The following CPQ variants were observed in gnomAD, a reference collection of about 807,000 sequenced individuals.
CPQ encodes the protein carboxypeptidase Q, also known as Ser-Met dipeptidase.
CPQ carries 37 observed loss-of-function variants against 45.7 expected under a neutral mutation model. That is an observed-to-expected ratio of 0.81 (90% CI 0.62 to 1.07). The LOEUF is 1.07. CPQ is among the 50% of genes least tolerant of loss of function. The pLI, the probability that CPQ is intolerant of heterozygous loss-of-function variation, is 0.00. For synonymous variants in CPQ, 186 were observed against 205.8 expected (o/e 0.90, Z 0.82); for missense variants, 537 against 572.9 (o/e 0.94, Z 0.64).
chr8:96,778,970 CAGG>C (rs1323978963), intron 1 of CPQ, among the ~76,000 whole-genome samples: 1 of 148,176 alleles, frequency 6.7e-6, no homozygotes, highest in Non-Finnish European at 1.5e-5. Context: ...GAGGCATAGG[CAGG>C]AGAATTGCTT....
At chr8:96,784,147 C>CTCTATAT (rs572617235) in intron 1 of CPQ, among the ~76,000 whole-genome samples, 1 of 152,124 alleles carries the variant, frequency 6.6e-6, no homozygotes, top group Admixed American at 6.6e-5. Flanking sequence ...GTCTGACACA[C>CTCTATAT]AGCATGCACT....
At chr8:97,028,682 G>T (rs1809842627) in intron 5 of CPQ, among the ~76,000 whole-genome samples, 1 of 152,168 alleles carries the variant, frequency 6.6e-6, no homozygotes, top group African/African-American at 2.4e-5. Context: ...AGCCAAAAAT[G>T]GTTCTGGAGC....
chr8:97,124,718 T>C (rs1811816204), intron 7 of CPQ, among the ~76,000 whole-genome samples: 1 of 152,188 alleles, frequency 6.6e-6, no homozygotes, highest in Non-Finnish European at 1.5e-5. Context: ...TAGAATTTAT[T>C]TGAACCTTAT....
intron 4 of CPQ, among the ~76,000 whole-genome samples, chr8:96,959,364 C>T (rs773602539): frequency 6.6e-6 from 1 of 152,116 alleles, no homozygotes; most frequent in Non-Finnish European, 1.5e-5. Flanking sequence ...TTAGATGGAA[C>T]CTTGGAAGGT....
chr8:96,836,571 G>C (rs1242403168), intron 3 of CPQ, among the ~76,000 whole-genome samples: 2 of 152,074 alleles, frequency 1.3e-5, no homozygotes, highest in Non-Finnish European at 2.9e-5. Flanking sequence ...AAAATGGCTA[G>C]CTTACTTCCC....
chr8:97,013,182 A>T (rs1809519424), intron 5 of CPQ, among the ~76,000 whole-genome samples: 1 of 152,114 alleles, frequency 6.6e-6, no homozygotes. Context: ...CAAGAGGCTG[A>T]GGCAGGAGAA....
intron 1 of CPQ, among the ~76,000 whole-genome samples, chr8:96,669,302 C>A (rs1024258684): frequency 6.6e-6 from 1 of 152,198 alleles, no homozygotes; most frequent in Non-Finnish European, 1.5e-5. Context: ...TTGAGGCCAT[C>A]TTACCACAGT....
At chr8:96,863,638 A>G (rs146886578) in intron 3 of CPQ, among the ~76,000 whole-genome samples, 47 of 152,178 alleles carry the variant, frequency 3.1e-4, no homozygotes, top group African/African-American at 1.0e-3. Context: ...GATTATATGC[A>G]TTTGCTTCAT....
chr8:96,835,287 T>G, intron 3 of CPQ, 107 bp downstream of exon 3: 1 of 861,626 alleles, frequency 1.2e-6, no homozygotes, highest in Non-Finnish European at 1.6e-6. Context: ...TACTTATTGT[T>G]CATGGAGTTT....
At chr8:97,023,661 G>A (rs975498791) in intron 5 of CPQ, among the ~76,000 whole-genome samples, 26 of 152,036 alleles carry the variant, frequency 1.7e-4, no homozygotes, top group African/African-American at 6.3e-4. Context: ...TTTGAATTAT[G>A]GAAATTATAG....
At chr8:96,944,631 GAGTGGATATGA>G (rs1813166103) in intron 4 of CPQ, among the ~76,000 whole-genome samples, 1 of 152,114 alleles carries the variant, frequency 6.6e-6, no homozygotes, top group African/African-American at 2.4e-5. Flanking sequence ...CACTGTACGA[GAGTGGATATGA>G]ATCAAGTCTA....
intron 5 of CPQ, among the ~76,000 whole-genome samples, chr8:96,970,148 A>G (rs775416247): frequency 6.6e-5 from 10 of 152,332 alleles, no homozygotes; most frequent in Admixed American, 4.6e-4. Flanking sequence ...GCCCCAGGAA[A>G]TGTAATTCAG....
chr8:96,673,292 TG>T (rs1185715633), intron 1 of CPQ, among the ~76,000 whole-genome samples: 1 of 152,196 alleles, frequency 6.6e-6, no homozygotes, highest in East Asian at 1.9e-4. Flanking sequence ...CAGAATTTTC[TG>T]GGGTTTAAAT....
chr8:96,855,594 C>G (rs775285435), intron 3 of CPQ, among the ~76,000 whole-genome samples: 1 of 152,162 alleles, frequency 6.6e-6, no homozygotes, highest in African/African-American at 2.4e-5. Context: ...TCCTTTCAGC[C>G]GCTCTCATTT....
chr8:97,137,790 G>A (rs1272844079), intron 7 of CPQ, among the ~76,000 whole-genome samples: 5 of 152,124 alleles, frequency 3.3e-5, no homozygotes, highest in African/African-American at 4.8e-5. Context: ...TTAGCTGGGC[G>A]TGGTGGCAGG....
At chr8:96,798,593 C>T (rs1365915882) in intron 2 of CPQ, among the ~76,000 whole-genome samples, 3 of 151,954 alleles carry the variant, frequency 2.0e-5, no homozygotes, top group Admixed American at 6.6e-5. Context: ...CATGTGAGTA[C>T]CCCTTGCCTT....
intron 5 of CPQ, among the ~76,000 whole-genome samples, chr8:96,977,975 A>T (rs1414307296): frequency 6.6e-6 from 1 of 152,170 alleles, no homozygotes; most frequent in Non-Finnish European, 1.5e-5. Flanking sequence ...CTATTGAAAT[A>T]AAAAAAAATT....
intron 1 of CPQ, among the ~76,000 whole-genome samples, chr8:96,707,712 A>G (rs1809552433): frequency 6.6e-6 from 1 of 151,994 alleles, no homozygotes; most frequent in Non-Finnish European, 1.5e-5. Context: ...TTGGCTTAGG[A>G]CAACACAGAT....
Position 97,066,186 on chromosome 8 carries a change from T to A in CPQ, c.1231T>A (p.Phe411Ile), listed in dbSNP as rs765251664. The A allele has an allele frequency of 7.5e-6, 12 of 1,610,118 alleles. No individual in the cohort carries two copies. The African/African-American group carries it at 1.3e-4, about 18-fold the overall frequency. ...LSHGEGTDIN[F>I]WIQAGVPGAS... ...CCATGGAGAAGGGACAGACATCAAC[T>A]TTTGGATCCAAGCTGGAGTGCCTGG... is the stretch of plus-strand genomic sequence containing the variant. The change falls in exon 7 of 8, where the codon TTT becomes ATT. Residue 411 changes from phenylalanine (F) to isoleucine (I), a missense_variant. Physicochemically the swap from Phe to Ile is conservative, Grantham distance 21. Transcript: ENST00000220763.
Sources: allele counts gnomAD v4.1 joint callset (sites outside exome capture counted in the v4.1 genomes callset), GRCh38; gene constraint gnomAD v4.1.1; transcripts MANE v1.5; gene names NCBI Gene and HGNC (gene_info 2026-07-23, HGNC 2026-07-21).